The following TSHZ3 variants were observed in gnomAD, a reference collection of about 807,000 sequenced individuals.
TSHZ3 encodes teashirt zinc finger homeobox 3.
A neutral mutation model predicts 64.5 loss-of-function variants in TSHZ3; 10 were observed. That is an observed-to-expected ratio of 0.16 (90% confidence interval 0.10 to 0.26). The LOEUF is 0.26. Ranked by LOEUF, TSHZ3 falls within the 10% of genes least tolerant of loss-of-function variation. TSHZ3 has a pLI of 1.00. For missense variants in TSHZ3, 1,242 were observed against 1,421.7 expected, an observed-to-expected ratio of 0.87 and a Z score of 2.03; for synonymous variants, 608 against 593.1, an observed-to-expected ratio of 1.03 and a Z score of -0.36.
intron 3 of TSHZ3, among the ~76,000 whole-genome samples, chr19:31,239,998 C>T (rs1975667749): frequency 6.6e-6 from 1 of 152,072 alleles, no homozygotes; most frequent in South Asian, 2.1e-4. Context: ...TGCAATTTGA[C>T]TCTGATTATT....
At chr19:31,298,523 G>T (rs1187299521) in intron 1 of TSHZ3, among the ~76,000 whole-genome samples, 1 of 152,168 alleles carries the variant, frequency 6.6e-6, no homozygotes, top group African/African-American at 2.4e-5. Context: ...TTTCCGTAAA[G>T]AATTAAAAGC....
Position 31,276,671 on chromosome 19 carries a change from T to C in TSHZ3, c.3122A>G (p.Tyr1041Cys), listed in dbSNP as rs142718315. ...SSPEEDLGTS[Y>C]QCKLCNRTFA... is the part of the protein sequence containing the mutation. ...GGTCCGATTGCAAAGTTTGCACTGATAGGAAGTCCCCAGGTCTTCCTCGGG... is the reference window on the plus strand; with the variant it reads ...GGTCCGATTGCAAAGTTTGCACTGACAGGAAGTCCCCAGGTCTTCCTCGGG... The change falls in exon 2 of 2, where the codon TAT becomes TGT. Residue 1041 changes from tyrosine (Y) to cysteine (C), a missense_variant. Around this residue, in one of 4 missense-constraint regions of TSHZ3, gnomAD observed 126 missense variants for 140.6 expected, o/e 0.90. Transcript: ENST00000240587. The C allele has an allele frequency of 1.9e-6, 3 of 1,613,836 alleles. No homozygotes were observed. The highest frequency in any genetic ancestry group is 1.1e-5 in the South Asian group (1 of 91,060).
At chr19:31,195,109 A>G (rs765358224) in intron 5 of TSHZ3, among the ~76,000 whole-genome samples, 28 of 152,148 alleles carry the variant, frequency 1.8e-4, no homozygotes, top group Non-Finnish European at 3.7e-4. Flanking sequence ...ACAAATATAA[A>G]AGGTATAACA....
chr19:31,152,446 T>C (rs1226322424), intron 6 of TSHZ3, among the ~76,000 whole-genome samples: 2 of 151,964 alleles, frequency 1.3e-5, no homozygotes, highest in African/African-American at 4.8e-5. Flanking sequence ...TCAGGGGTGA[T>C]TAGAAAAGAA....
At chr19:31,287,179 A>G (rs1243186711) in intron 1 of TSHZ3, among the ~76,000 whole-genome samples, 2 of 152,132 alleles carry the variant, frequency 1.3e-5, no homozygotes, top group Non-Finnish European at 1.5e-5. Context: ...TGTGGGTGGA[A>G]AGAAAGGAAA....
intron 5 of TSHZ3, among the ~76,000 whole-genome samples, chr19:31,165,916 G>A (rs1236867192): frequency 6.6e-6 from 1 of 152,134 alleles, no homozygotes; most frequent in East Asian, 1.9e-4. Flanking sequence ...CAAGTGGGCT[G>A]GTCTTCTTAT....
intron 5 of TSHZ3, among the ~76,000 whole-genome samples, chr19:31,157,321 T>A (rs535784934): frequency 9.9e-5 from 15 of 152,190 alleles, no homozygotes; most frequent in Non-Finnish European, 1.9e-4. Context: ...ATCAGCAAAC[T>A]GTGGCCAGCA....
At chr19:31,206,497 A>T (rs1251500808) in intron 4 of TSHZ3, among the ~76,000 whole-genome samples, 1 of 152,200 alleles carries the variant, frequency 6.6e-6, no homozygotes, top group Non-Finnish European at 1.5e-5. Flanking sequence ...CCTTGGAAAC[A>T]CAAGTCCAGG....
intron 5 of TSHZ3, among the ~76,000 whole-genome samples, chr19:31,176,733 T>A (rs1001807185): frequency 6.6e-6 from 1 of 152,116 alleles, no homozygotes; most frequent in Non-Finnish European, 1.5e-5. Flanking sequence ...GAGCCTGCCA[T>A]GAGCTGTGAT....
chr19:31,258,438 C>T (rs1029934306), intron 1 of TSHZ3, among the ~76,000 whole-genome samples: 2 of 152,194 alleles, frequency 1.3e-5, no homozygotes, highest in East Asian at 3.9e-4. Flanking sequence ...TCCAAGTCCT[C>T]AACCCGGGAA....
In TSHZ3 at chr19:31,164,906, C is replaced by T. The variant is rs565198598; in HGVS notation, n.810-8489G>A. Among the ~76,000 whole-genome samples the T allele has an allele frequency of 1.1e-4, 17 of 152,344 alleles. No homozygotes were observed. In the South Asian group the frequency reaches 3.1e-3, roughly 28 times the overall value. ...GACCAGGAAACACAACACAGACAGC[C>T]TTCTCACTTGCAGGGGAGACCCCAG... On this transcript the variant is annotated intron_variant and non_coding_transcript_variant, in intron 5 of 6. Coordinates refer to the TSHZ3 transcript ENST00000651361.
intron 3 of TSHZ3, among the ~76,000 whole-genome samples, chr19:31,232,693 C>G (rs1050567358): frequency 2.6e-5 from 4 of 152,176 alleles, no homozygotes; most frequent in African/African-American, 9.7e-5. Context: ...ATCCTCTTGC[C>G]TCTTAAAGTC....
chr19:31,262,370 A>G (rs2145199574), intron 1 of TSHZ3, among the ~76,000 whole-genome samples: 1 of 152,294 alleles, frequency 6.6e-6, no homozygotes, highest in African/African-American at 2.4e-5. Flanking sequence ...TTCTTTTTCC[A>G]CAATGTGATT....
At chr19:31,258,443 C>A (rs903935) in intron 1 of TSHZ3, among the ~76,000 whole-genome samples, 52,147 of 152,074 alleles carry the variant, frequency 0.34, 13,397 homozygotes, top group African/African-American at 0.72. Flanking sequence ...GTCCTCAACC[C>A]GGGAAATCGC....
chr19:31,320,394 C>A (rs1003706146), intron 1 of TSHZ3, among the ~76,000 whole-genome samples: 1 of 152,148 alleles, frequency 6.6e-6, no homozygotes, highest in Non-Finnish European at 1.5e-5. Flanking sequence ...GGCTGCCGTT[C>A]CTTCATTTTT....
At chr19:31,169,872 G>A (rs891853195) in intron 5 of TSHZ3, among the ~76,000 whole-genome samples, 16 of 152,158 alleles carry the variant, frequency 1.1e-4, no homozygotes, top group Non-Finnish European at 2.9e-5. Context: ...ATGCCAGGGT[G>A]GAGACCTCAC....
At chr19:31,235,907 G>C (rs1975608041) in intron 3 of TSHZ3, among the ~76,000 whole-genome samples, 1 of 151,148 alleles carries the variant, frequency 6.6e-6, no homozygotes, top group East Asian at 1.9e-4. Flanking sequence ...GTTGCAAAGG[G>C]GTTTCACCAT....
At chr19:31,211,616 A>C (rs958639210) in intron 4 of TSHZ3, among the ~76,000 whole-genome samples, 1 of 152,334 alleles carries the variant, frequency 6.6e-6, no homozygotes, top group African/African-American at 2.4e-5. Context: ...GTTGTGAGGC[A>C]GACCAGCCCA....
chr19:31,254,625 C>T (rs1202345199), intron 1 of TSHZ3, among the ~76,000 whole-genome samples: 1 of 152,208 alleles, frequency 6.6e-6, no homozygotes, highest in Non-Finnish European at 1.5e-5. Flanking sequence ...GATTTTCAGG[C>T]CATCCGCCTC....
Sources: allele counts gnomAD v4.1 joint callset (sites outside exome capture counted in the v4.1 genomes callset), GRCh38; gene constraint gnomAD v4.1.1; regional missense constraint gnomAD v4.1.1; transcripts MANE v1.5; gene names NCBI Gene and HGNC (gene_info 2026-07-23, HGNC 2026-07-21).